EXOC6B: variants seen among roughly 807,000 people sequenced by gnomAD.
EXOC6B encodes the protein exocyst complex component 6B.
In EXOC6B, 54 loss-of-function variants were observed where a neutral mutation model predicts 113.5. The observed-to-expected ratio is 0.48, with a 90% CI of 0.38 to 0.60. The LOEUF (loss-of-function observed/expected upper bound fraction) is 0.60, where lower values mean the gene tolerates loss of function less well. EXOC6B is among the 20% of genes least tolerant of loss of function. The probability of loss-of-function intolerance (pLI) is 0.00; values close to 1 mark genes in which losing one functional copy is unlikely to be tolerated. For synonymous variants in EXOC6B, 357 were observed against 339.0 expected (o/e 1.05, Z -0.58); for missense variants, 797 against 977.5 (o/e 0.82, Z 2.46).
At chr2:72,408,519 T>C (rs1278940084) in intron 18 of EXOC6B, among the ~76,000 whole-genome samples, 2 of 152,054 alleles carry the variant, frequency 1.3e-5, no homozygotes, top group Non-Finnish European at 2.9e-5. Flanking sequence ...AAAACAGAGA[T>C]ATAGACCAAT....
At chr2:72,332,128 T>C (rs1037664005) in intron 20 of EXOC6B, among the ~76,000 whole-genome samples, 7 of 151,334 alleles carry the variant, frequency 4.6e-5, no homozygotes, top group Non-Finnish European at 1.0e-4. Flanking sequence ...TGCACTGCAC[T>C]GGGGGCAGAT....
chr2:72,192,103 C>T (rs1224836449), intron 20 of EXOC6B, among the ~76,000 whole-genome samples: 5 of 152,154 alleles, frequency 3.3e-5, no homozygotes, highest in South Asian at 2.1e-4. Context: ...ACCCTACCTT[C>T]GTTGCCAATT....
intron 20 of EXOC6B, among the ~76,000 whole-genome samples, chr2:72,322,408 G>A (rs1687886887): frequency 6.6e-6 from 1 of 152,140 alleles, no homozygotes; most frequent in Non-Finnish European, 1.5e-5. Flanking sequence ...GCAGATCAGT[G>A]GTTATTTGGG....
At chr2:72,442,730 G>T (rs1324060928) in intron 18 of EXOC6B, among the ~76,000 whole-genome samples, 1 of 152,100 alleles carries the variant, frequency 6.6e-6, no homozygotes, top group African/African-American at 2.4e-5. Context: ...ACTGCTCAAA[G>T]AAATCAGAGA....
At chr2:72,682,000 T>TA (rs34379127) in intron 6 of EXOC6B, among the ~76,000 whole-genome samples, 115,908 of 142,210 alleles carry the variant, frequency 0.82, 47,587 homozygotes, top group East Asian at 0.96. Context: ...CAGAATCTCT[T>TA]AAAAAAAAAA....
intron 18 of EXOC6B, among the ~76,000 whole-genome samples, chr2:72,383,330 G>A (rs6736871): frequency 2.6e-5 from 4 of 152,094 alleles, no homozygotes; most frequent in African/African-American, 9.6e-5. Context: ...TAAAAAGTAG[G>A]CAAAGGACAT....
chr2:72,507,871 G>A (rs1244258740), intron 11 of EXOC6B, among the ~76,000 whole-genome samples: 1 of 150,866 alleles, frequency 6.6e-6, no homozygotes, highest in Admixed American at 6.6e-5. Flanking sequence ...TGCTGAAGAA[G>A]AGAGGGTGCA....
chr2:72,417,731 T>A (rs1446512148), intron 18 of EXOC6B, among the ~76,000 whole-genome samples: 1 of 152,200 alleles, frequency 6.6e-6, no homozygotes. Flanking sequence ...TGGTGTGTTG[T>A]ACATTTTTAT....
chr2:72,295,363 G>T (rs1231161248), intron 20 of EXOC6B, among the ~76,000 whole-genome samples: 1 of 151,804 alleles, frequency 6.6e-6, no homozygotes, highest in African/African-American at 2.4e-5. Context: ...CTAAAAACAT[G>T]AACAAGTTGA....
In EXOC6B at chr2:72,524,009, A is replaced by G. The variant is rs569755769; in HGVS notation, c.916-8883T>C. Among the ~76,000 whole-genome samples, 6 of 152,010 alleles carry G rather than the reference A, an allele frequency of 3.9e-5. No individual in the cohort carries two copies. The South Asian group carries it at 8.3e-4, about 21-fold the overall frequency. On this transcript the variant is annotated intron_variant, in intron 8 of 21. Transcript: ENST00000272427. ...GAAAGGAAGAAGGGAAGCACACACC[A>G]TTATTCTTCCGCTTCTGCCTACAGG...
chr2:72,554,218 C>T (rs76638280), intron 8 of EXOC6B, among the ~76,000 whole-genome samples: 2 of 152,136 alleles, frequency 1.3e-5, no homozygotes, highest in African/African-American at 2.4e-5. Context: ...ACACAATTCT[C>T]CCTGAAAAAT....
intron 18 of EXOC6B, among the ~76,000 whole-genome samples, chr2:72,423,352 C>T (rs529541766): frequency 5.3e-5 from 8 of 151,874 alleles, no homozygotes; most frequent in Non-Finnish European, 7.4e-5. Flanking sequence ...GCTTCATTCT[C>T]GAAGTCAGTG....
chr2:72,423,271 C>G (rs995619621), intron 18 of EXOC6B, among the ~76,000 whole-genome samples: 5 of 151,952 alleles, frequency 3.3e-5, no homozygotes, highest in African/African-American at 1.2e-4. Context: ...CCGAACACAT[C>G]TGAACATCAG....
Position 72,773,120 on chromosome 2 carries a change from C to CTTTTTTTTTTTTT in EXOC6B, c.114-31664_114-31652dup, listed in dbSNP as rs1254377634. On this transcript the variant is annotated intron_variant, in intron 1 of 21. Coordinates refer to ENST00000272427, the MANE Select transcript of EXOC6B (RefSeq NM_015189.3). The stretch of plus-strand genomic sequence containing the variant: ...GCTAAGACAGTAGACCTTAGATTTT[C>CTTTTTTTTTTTTT]TTTTTTTTTTTTTTTTTTTTTTGTG... Among the ~76,000 whole-genome samples, 132 of 94,892 alleles carry CTTTTTTTTTTTTT rather than the reference C, an allele frequency of 1.4e-3. 11 individuals carry two copies. Among genetic ancestry groups the CTTTTTTTTTTTTT allele is most frequent in the African/African-American group, 6.0e-3 (128 of 21,324 alleles). 62.3% of individuals were successfully genotyped at this position (94,892 alleles called of 152,430 possible). A position where few individuals can be genotyped will look rare whatever the true frequency, so the allele number is the denominator to read the frequency against.
chr2:72,193,546 T>C (rs574874002), intron 20 of EXOC6B, among the ~76,000 whole-genome samples: 1 of 152,346 alleles, frequency 6.6e-6, no homozygotes, highest in South Asian at 2.1e-4. Flanking sequence ...TATGAAATGA[T>C]GTTAAGACGT....
At chr2:72,299,426 C>G (rs1000220354) in intron 20 of EXOC6B, among the ~76,000 whole-genome samples, 1 of 151,792 alleles carries the variant, frequency 6.6e-6, no homozygotes, top group African/African-American at 2.4e-5. Flanking sequence ...TTCATCTAAC[C>G]TTTTTTTAAG....
chr2:72,796,102 C>G (rs967462891), intron 1 of EXOC6B, among the ~76,000 whole-genome samples: 2 of 150,330 alleles, frequency 1.3e-5, no homozygotes, highest in Non-Finnish European at 3.0e-5. Context: ...GGATTACAGG[C>G]GTGAGCCACC....
chr2:72,492,841 T>A (rs1477965576), intron 15 of EXOC6B, among the ~76,000 whole-genome samples: 3 of 152,150 alleles, frequency 2.0e-5, no homozygotes, highest in Admixed American at 6.6e-5. Flanking sequence ...AGTTTGAATA[T>A]GATGTCTTTA....
chr2:72,478,074 T>C (rs1327823321), intron 17 of EXOC6B, among the ~76,000 whole-genome samples: 1 of 152,216 alleles, frequency 6.6e-6, no homozygotes, highest in Non-Finnish European at 1.5e-5. Flanking sequence ...ACATCTAATG[T>C]ATTATTCCAG....
Sources: gnomAD v4.1 joint callset for allele counts (sites outside exome capture counted in the v4.1 genomes callset) on GRCh38, gnomAD v4.1.1 for gene constraint, MANE v1.5 for transcripts, NCBI Gene and HGNC (gene_info 2026-07-23, HGNC 2026-07-21) for gene names.